The following WWOX variants were observed in gnomAD, a reference collection of about 807,000 sequenced individuals.
WWOX encodes WW domain containing oxidoreductase.
In WWOX, 69 loss-of-function variants were observed where a neutral mutation model predicts 46.2. The ratio of observed to expected loss-of-function variants is 1.49; its 90% CI spans 1.23 to 1.82. The LOEUF (loss-of-function observed/expected upper bound fraction) is 1.82, where lower values mean the gene tolerates loss of function less well. Among genes scored for constraint, WWOX ranks in the 40% most tolerant of loss-of-function variants. The pLI, the probability that WWOX is intolerant of heterozygous loss-of-function variation, is 0.00. For synonymous variants in WWOX, 359 were observed against 202.6 expected, an observed-to-expected ratio of 1.77 and a Z score of -6.56; for missense variants, 919 against 542.6, an observed-to-expected ratio of 1.69 and a Z score of -6.89.
intron 5 of WWOX, among the ~76,000 whole-genome samples, chr16:78,178,630 C>T (rs1425667659): frequency 6.6e-6 from 1 of 152,156 alleles, no homozygotes; most frequent in Non-Finnish European, 1.5e-5. Flanking sequence ...CTTTGGGAGG[C>T]CGAGGCGGGT....
At chr16:78,594,916 A>G (rs1052007718) in intron 8 of WWOX, among the ~76,000 whole-genome samples, 2 of 152,244 alleles carry the variant, frequency 1.3e-5, no homozygotes, top group African/African-American at 2.4e-5. Context: ...ATTATAATTA[A>G]GAGAACCAGA....
chr16:78,260,097 C>T (rs988020901), intron 5 of WWOX, among the ~76,000 whole-genome samples: 2 of 151,230 alleles, frequency 1.3e-5, no homozygotes, highest in African/African-American at 4.9e-5. Flanking sequence ...AGCTCGATGC[C>T]TCTTGAGGAC....
chr16:79,191,869 G>A (rs562812631), intron 8 of WWOX, among the ~76,000 whole-genome samples: 13 of 152,230 alleles, frequency 8.5e-5, no homozygotes, highest in Non-Finnish European at 1.5e-4. Context: ...TTACTTATGC[G>A]CATAAGTAGT....
rs572215480 is a variant in WWOX at position 79,073,711 on chromosome 16, A to G, written c.1057-137897A>G. On this transcript the variant is annotated intron_variant, in intron 8 of 8. Coordinates refer to ENST00000566780, the MANE Select transcript of WWOX (RefSeq NM_016373.4). ...CCTTTGCAGCTAGAGTGATCCTTTG[A>G]TGAAGTTCTAGTAAATGGGACGTTA... Among the ~76,000 whole-genome samples the G allele has an allele frequency of 2.6e-5, 4 of 152,226 alleles. 1 individual carries two copies. In the East Asian group the frequency reaches 5.8e-4, roughly 22 times the overall value.
rs957311794 is a variant in WWOX, at chr16:78,747,555, C to G, written c.1056+314803C>G. On this transcript the variant is annotated intron_variant, in intron 8 of 8. Coordinates refer to ENST00000566780, the MANE Select transcript of WWOX (RefSeq NM_016373.4). ...CCTTCGTAATGTTCAGATGAGGAAA[C>G]TGAGGCTAAGAGAGCCTTGGCAAGC... Among the ~76,000 whole-genome samples, 14 of 152,270 alleles carry G rather than the reference C, an allele frequency of 9.2e-5. No homozygotes were observed. In the East Asian group the frequency reaches 2.7e-3, roughly 29 times the overall value.
intron 8 of WWOX, among the ~76,000 whole-genome samples, chr16:79,167,633 A>T (rs887243476): frequency 1.3e-5 from 2 of 152,350 alleles, no homozygotes; most frequent in East Asian, 3.9e-4. Context: ...CACTTGCCCA[A>T]GGTTATCCAA....
chr16:78,643,154 C>T (rs933996728), intron 8 of WWOX, among the ~76,000 whole-genome samples: 7 of 152,092 alleles, frequency 4.6e-5, no homozygotes, highest in African/African-American at 1.7e-4. Flanking sequence ...CAAGAGGATC[C>T]GACAGCTCTG....
chr16:78,310,284 C>T (rs1016302936), intron 5 of WWOX, among the ~76,000 whole-genome samples: 7 of 152,214 alleles, frequency 4.6e-5, no homozygotes, highest in African/African-American at 1.7e-4. Context: ...TTTCTAGAAA[C>T]GTGTGCTTCT....
intron 8 of WWOX, among the ~76,000 whole-genome samples, chr16:78,696,455 T>C (rs1430175687): frequency 1.3e-5 from 2 of 152,128 alleles, no homozygotes; most frequent in Non-Finnish European, 2.9e-5. Context: ...GAAACCGAAC[T>C]TTACATTTTG....
At chr16:78,532,750 G>A (rs1034654209) in intron 8 of WWOX, among the ~76,000 whole-genome samples, 1 of 151,688 alleles carries the variant, frequency 6.6e-6, no homozygotes, top group East Asian at 1.9e-4. Context: ...GATACCGTCA[G>A]ATTCCTTGAG....
chr16:78,114,499 C>A lies in WWOX; in HGVS notation c.231-477C>A, dbSNP rs1378016969. Among the ~76,000 whole-genome samples, 7 of 152,098 alleles carry A rather than the reference C, an allele frequency of 4.6e-5. No individual in the cohort carries two copies. In the East Asian group the frequency reaches 1.3e-3, roughly 29 times the overall value. On this transcript the variant is annotated intron_variant, in intron 3 of 8. Coordinates refer to ENST00000566780, the MANE Select transcript of WWOX (RefSeq NM_016373.4). ...GAGTGCAGAGTCTTAAAATGAAAAT[C>A]GTTAGAATTTTGGTAGTTGGCAGGT...
chr16:78,363,057 C>T (rs938317607), intron 5 of WWOX, among the ~76,000 whole-genome samples: 1 of 152,090 alleles, frequency 6.6e-6, no homozygotes, highest in African/African-American at 2.4e-5. Flanking sequence ...GTGGTACCCA[C>T]ACCCGTATTC....
chr16:78,578,316 G>A (rs1158530770), intron 8 of WWOX, among the ~76,000 whole-genome samples: 1 of 62,076 alleles, frequency 1.6e-5, no homozygotes, highest in Non-Finnish European at 2.8e-5. Context: ...TTTGGTCGGA[G>A]TCTCACCCTT....
At chr16:78,498,219 G>GAAAAT in intron 8 of WWOX, among the ~76,000 whole-genome samples, 1 of 44,900 alleles carries the variant, frequency 2.2e-5, no homozygotes, top group East Asian at 7.1e-4. Context: ...AAAAAAAAAA[G>GAAAAT]AAAAAAAAGC....
intron 8 of WWOX, among the ~76,000 whole-genome samples, chr16:78,487,970 C>T (rs531705075): frequency 6.6e-6 from 1 of 152,166 alleles, no homozygotes; most frequent in Admixed American, 6.5e-5. Context: ...CCCACCTTCC[C>T]CAAGCTTCGA....
intron 5 of WWOX, among the ~76,000 whole-genome samples, chr16:78,186,341 G>A (rs1430702090): frequency 6.6e-6 from 1 of 151,482 alleles, no homozygotes; most frequent in East Asian, 1.9e-4. Context: ...CACTGGAGAG[G>A]AAAAAAGTAC....
intron 8 of WWOX, among the ~76,000 whole-genome samples, chr16:78,716,642 T>C (rs1240709058): frequency 6.6e-6 from 1 of 151,928 alleles, no homozygotes; most frequent in Admixed American, 6.6e-5. Context: ...GTGATAACGC[T>C]CCTCTCACTG....
Position 78,553,809 on chromosome 16 carries a change from C to G in WWOX, c.1056+121057C>G, listed in dbSNP as rs544865953. On this transcript the variant is annotated intron_variant, in intron 8 of 8. Transcript: ENST00000566780. ...GGCCCTGCAGGTCCTGCAGACCCCCCTGGTGGCAGTATTGGTGGTCACAGC... is the reference window on the plus strand; with the variant it reads ...GGCCCTGCAGGTCCTGCAGACCCCCGTGGTGGCAGTATTGGTGGTCACAGC... Among the ~76,000 whole-genome samples, 49 of 152,022 alleles carry G rather than the reference C, an allele frequency of 3.2e-4. 1 individual carries two copies. The highest frequency in any genetic ancestry group is 6.5e-4 in the Non-Finnish European group (44 of 68,006).
chr16:78,646,141 C>T (rs866768935), intron 8 of WWOX, among the ~76,000 whole-genome samples: 17 of 152,210 alleles, frequency 1.1e-4, no homozygotes, highest in African/African-American at 3.9e-4. Flanking sequence ...TGCCAAATAA[C>T]ACCTTTGCAG....
Sources: allele counts gnomAD v4.1 joint callset (sites outside exome capture counted in the v4.1 genomes callset), GRCh38; gene constraint gnomAD v4.1.1; transcripts MANE v1.5; gene names NCBI Gene and HGNC (gene_info 2026-07-23, HGNC 2026-07-21).